Variants in ATOSA observed in about 807,000 individuals in gnomAD.
ATOSA encodes the protein atos homolog A.
the ATOSA span, among the ~76,000 whole-genome samples, chr15:52,693,103 C>T: frequency 1.3e-4 from 20 of 152,218 alleles, no homozygotes; most frequent in African/African-American, 4.6e-4. Context: ...GGAAAAGAGA[C>T]ATACAAACGG....
At chr15:52,680,543 T>C in the ATOSA span, among the ~76,000 whole-genome samples, 1 of 152,212 alleles carries the variant, frequency 6.6e-6, no homozygotes. Flanking sequence ...TCCATTTTTT[T>C]GGCCTCAGGT....
At chr15:52,687,174 G>C in the ATOSA span, among the ~76,000 whole-genome samples, 1 of 152,214 alleles carries the variant, frequency 6.6e-6, no homozygotes, top group Non-Finnish European at 1.5e-5. Context: ...GGGAGGCTGA[G>C]GTGGGTGGGT....
the ATOSA span, among the ~76,000 whole-genome samples, chr15:52,701,927 C>T: frequency 1.3e-5 from 2 of 151,888 alleles, no homozygotes; most frequent in South Asian, 2.1e-4. Context: ...TAGCAAGACC[C>T]CATCTCAACT....
the ATOSA span, among the ~76,000 whole-genome samples, chr15:52,697,856 C>A: frequency 6.6e-6 from 1 of 150,546 alleles, no homozygotes; most frequent in Non-Finnish European, 1.5e-5. Context: ...TATGACTCGT[C>A]AGGGGAACAC....
At chr15:52,696,225 G>A in the ATOSA span, among the ~76,000 whole-genome samples, 4 of 151,948 alleles carry the variant, frequency 2.6e-5, no homozygotes, top group African/African-American at 9.7e-5. Flanking sequence ...CTGTCTTACC[G>A]AAGCTAGAAA....
At chr15:52,619,316 A>G in the ATOSA span, among the ~76,000 whole-genome samples, 1 of 152,228 alleles carries the variant, frequency 6.6e-6, no homozygotes, top group Non-Finnish European at 1.5e-5. Context: ...GTCAACCTCT[A>G]AACACAACAG....
At chr15:52,639,033 C>CA in the ATOSA span, among the ~76,000 whole-genome samples, 25 of 124,230 alleles carry the variant, frequency 2.0e-4, no homozygotes, top group African/African-American at 7.5e-4. Flanking sequence ...TGACTTCAAG[C>CA]AAAAAAAAGA....
the ATOSA span, among the ~76,000 whole-genome samples, chr15:52,606,586 G>T: frequency 2.6e-5 from 4 of 152,034 alleles, no homozygotes; most frequent in African/African-American, 9.7e-5. Context: ...TTTAAAACAG[G>T]TACATGAAAA....
the ATOSA span, among the ~76,000 whole-genome samples, chr15:52,643,091 T>C: frequency 3.9e-5 from 6 of 152,256 alleles, no homozygotes; most frequent in East Asian, 1.2e-3. Flanking sequence ...ACTAAATCAC[T>C]AGAATTCCTC....
At chr15:52,652,627 A>C in the ATOSA span, among the ~76,000 whole-genome samples, 3 of 152,208 alleles carry the variant, frequency 2.0e-5, no homozygotes, top group South Asian at 6.2e-4. Flanking sequence ...TTTTAAGAGG[A>C]CTAAAGAAAC....
the ATOSA span, among the ~76,000 whole-genome samples, chr15:52,647,756 C>G: frequency 1.3e-5 from 2 of 152,180 alleles, no homozygotes; most frequent in Non-Finnish European, 2.9e-5. Flanking sequence ...ACACACACAA[C>G]AGAAACAATA....
At chr15:52,672,172 C>CAAAA in the ATOSA span, among the ~76,000 whole-genome samples, 2 of 62,584 alleles carry the variant, frequency 3.2e-5, no homozygotes, top group African/African-American at 6.9e-5. Context: ...CCCCATTTCT[C>CAAAA]AAAAAAAAAA....
chr15:52,588,745 C>T, the ATOSA span, among the ~76,000 whole-genome samples: 6 of 152,338 alleles, frequency 3.9e-5, no homozygotes, highest in East Asian at 9.6e-4. Context: ...AGCCATCGTG[C>T]CCAGGCTGTG....
the ATOSA span, among the ~76,000 whole-genome samples, chr15:52,684,891 T>G: frequency 1.3e-5 from 2 of 152,188 alleles, no homozygotes; most frequent in African/African-American, 4.8e-5. Context: ...ATCAGGTATT[T>G]CTAATGAGAA....
chr15:52,590,487 C>T, the ATOSA span, among the ~76,000 whole-genome samples: 2 of 152,146 alleles, frequency 1.3e-5, no homozygotes, highest in East Asian at 1.9e-4. Flanking sequence ...CTCTATACCA[C>T]AAAGATAGGA....
chr15:52,609,382 T>G, the ATOSA span: 1 of 1,613,948 alleles, frequency 6.2e-7, no homozygotes, highest in Admixed American at 1.7e-5. Context: ...ACTGGAGTCA[T>G]GCATGTTGAA....
chr15:52,698,836 A>G, the ATOSA span, among the ~76,000 whole-genome samples: 1 of 152,224 alleles, frequency 6.6e-6, no homozygotes, highest in Non-Finnish European at 1.5e-5. Flanking sequence ...ACTGAAGATT[A>G]CTGTACTGTC....
At chr15:52,629,194 T>C in the ATOSA span, among the ~76,000 whole-genome samples, 1 of 152,168 alleles carries the variant, frequency 6.6e-6, no homozygotes, top group African/African-American at 2.4e-5. Context: ...TTAGAGGTCA[T>C]ATAAAGACGT....
chr15:52,596,297 T>G, the ATOSA span, among the ~76,000 whole-genome samples: 1 of 152,174 alleles, frequency 6.6e-6, no homozygotes, highest in Admixed American at 6.5e-5. Context: ...CAGCAGGCTA[T>G]TTTGTGGAAA....
Sources: gnomAD v4.1 joint callset for allele counts (sites outside exome capture counted in the v4.1 genomes callset) on GRCh38, gnomAD v4.1.1 for gene constraint, MANE v1.5 for transcripts, NCBI Gene and HGNC (gene_info 2026-07-23, HGNC 2026-07-21) for gene names.